MAN1C1: variants seen among roughly 807,000 people sequenced by gnomAD.
The protein encoded by MAN1C1 is mannosyl-oligosaccharide 1,2-alpha-mannosidase IC.
A neutral mutation model predicts 71.5 loss-of-function variants in MAN1C1; 49 were observed. The observed-to-expected ratio is 0.69, with a 90% confidence interval of 0.54 to 0.87. The LOEUF (loss-of-function observed/expected upper bound fraction) is 0.87, where lower values mean the gene tolerates loss of function less well. Ranked by LOEUF, MAN1C1 falls within the 40% of genes least tolerant of loss-of-function variation. The probability of loss-of-function intolerance (pLI) is 0.00; values close to 1 mark genes in which losing one functional copy is unlikely to be tolerated. For synonymous variants in MAN1C1, 352 were observed against 343.7 expected, an observed-to-expected ratio of 1.02 and a Z score of -0.27; for missense variants, 743 against 835.0, an observed-to-expected ratio of 0.89 and a Z score of 1.36.
At position 25,778,978 on chromosome 1, in the gene MAN1C1, A is replaced by G. The variant is rs2124414503; in HGVS notation, c.1477+654A>G. Among the ~76,000 whole-genome samples, 1 of 152,232 alleles carries G rather than the reference A, an allele frequency of 6.6e-6. No individual in the cohort carries two copies. The highest frequency in any genetic ancestry group is 1.9e-4 in the East Asian group (1 of 5,174). On this transcript the variant is annotated intron_variant, in intron 9 of 11. Coordinates refer to ENST00000374332, the MANE Select transcript of MAN1C1 (RefSeq NM_020379.4). This position sits in a 1 kb window ranked among gnomAD's most constrained non-coding sequence, Gnocchi z 5.5. ...CCAGAGAGGGGAAGTGACTTAGCCA[A>G]AGTCACACTGCACATGAGGAATTGA...
chr1:25,707,388 C>T (rs750609649), intron 2 of MAN1C1, among the ~76,000 whole-genome samples: 9 of 152,214 alleles, frequency 5.9e-5, no homozygotes, highest in Non-Finnish European at 8.8e-5. Flanking sequence ...GCAATCAATA[C>T]GTAATCTTTT....
chr1:25,763,789 C>A, intron 6 of MAN1C1, 85 bp from the exon 7 acceptor site: 1 of 1,085,460 alleles, frequency 9.2e-7, no homozygotes, highest in Non-Finnish European at 1.4e-6. Flanking sequence ...TGCATCTGAA[C>A]CAGCTGCCTC....
chr1:25,764,266 T>C lies in MAN1C1; in HGVS notation c.1141+299T>C, dbSNP rs1040965566. Among the ~76,000 whole-genome samples the C allele has an allele frequency of 2.6e-5, 4 of 152,152 alleles. No individual in the cohort carries two copies. The highest frequency in any genetic ancestry group is 7.2e-5 in the African/African-American group (3 of 41,426). On this transcript the variant is annotated intron_variant, in intron 7 of 11. Transcript: ENST00000374332. The surrounding 1 kb of genome is among the most constrained non-coding windows in gnomAD (Gnocchi z 4.4). ...CAATGGCGCAGCCTTCCATCTCTTATGCTGCTGCGGGAGCCTCCTGCATTA... is the reference window on the plus strand; with the variant it reads ...CAATGGCGCAGCCTTCCATCTCTTACGCTGCTGCGGGAGCCTCCTGCATTA...
intron 6 of MAN1C1, chr1:25,763,610 G>T: frequency 2.1e-6 from 1 of 468,062 alleles, no homozygotes; most frequent in Non-Finnish European, 3.9e-6. Flanking sequence ...TGGTTCTGGG[G>T]TTGAGACTGT....
chr1:25,616,806 G>C lies in MAN1C1; in HGVS notation c.-992G>C, dbSNP rs1042279206. Among the ~76,000 whole-genome samples, 1 of 147,294 alleles carries C rather than the reference G, an allele frequency of 6.8e-6. No homozygotes were observed. The highest frequency in any genetic ancestry group is 2.4e-5 in the African/African-American group (1 of 40,918). ...GCGCTGTCGCAGTGAAAGCCCGAGC[G>C]GCGGCGGCGGCGGGGACGGCGGTGG... On this transcript the variant is annotated 5_prime_UTR_variant, in exon 1 of 12. Coordinates refer to ENST00000374332, the MANE Select transcript of MAN1C1 (RefSeq NM_020379.4). The surrounding 1 kb of genome is among the most constrained non-coding windows in gnomAD (Gnocchi z 5.6).
intron 2 of MAN1C1, 108 bp downstream of exon 2, chr1:25,686,644 C>T: frequency 1.1e-6 from 1 of 874,362 alleles, no homozygotes; most frequent in South Asian, 1.5e-5. Flanking sequence ...GGGGGCTCCA[C>T]AGTTCTCCAG....
intron 1 of MAN1C1, among the ~76,000 whole-genome samples, chr1:25,656,631 T>TG (rs2045771867): frequency 6.6e-6 from 1 of 152,232 alleles, no homozygotes. Context: ...TTCTGCTGTA[T>TG]GTCAGGCTGT....
At chr1:25,742,316 G>A (rs1403754302) in intron 2 of MAN1C1, among the ~76,000 whole-genome samples, 1 of 152,160 alleles carries the variant, frequency 6.6e-6, no homozygotes, top group African/African-American at 2.4e-5. Context: ...GTGAATAAGA[G>A]GTAAAGGGAA....
Position 25,769,959 on chromosome 1 carries a change from G to A in MAN1C1, c.1142-1698G>A, listed in dbSNP as rs771688125. On this transcript the variant is annotated intron_variant, in intron 7 of 11. Transcript: ENST00000374332. The surrounding 1 kb of genome is among the most constrained non-coding windows in gnomAD (Gnocchi z 4.8). ...GGCTTGTGAGAATGCCTGAGCCCCC[G>A]CGTGGGGAATGAGGTGGGGAGGGTG... Among the ~76,000 whole-genome samples, 47 of 152,118 alleles carry A rather than the reference G, an allele frequency of 3.1e-4. No individual in the cohort carries two copies. Among genetic ancestry groups the A allele is most frequent in the Non-Finnish European group, 5.4e-4 (37 of 68,008 alleles).
At chr1:25,670,258 A>G (rs1273367146) in intron 1 of MAN1C1, among the ~76,000 whole-genome samples, 1 of 152,208 alleles carries the variant, frequency 6.6e-6, no homozygotes, top group Non-Finnish European at 1.5e-5. Flanking sequence ...TTCAAATAGT[A>G]TCACCTCCCT....
At chr1:25,677,462 G>A (rs557911864) in intron 1 of MAN1C1, among the ~76,000 whole-genome samples, 5 of 152,088 alleles carry the variant, frequency 3.3e-5, no homozygotes, top group African/African-American at 9.7e-5. Flanking sequence ...CCTGTTGCGC[G>A]TTTCTAGAAC....
intron 5 of MAN1C1, among the ~76,000 whole-genome samples, chr1:25,755,334 T>C (rs1305994436): frequency 6.6e-6 from 1 of 152,168 alleles, no homozygotes; most frequent in Non-Finnish European, 1.5e-5. Context: ...GCCAAGCTGG[T>C]CTTTTTCACT....
intron 2 of MAN1C1, among the ~76,000 whole-genome samples, chr1:25,743,990 G>A (rs1039024620): frequency 7.2e-5 from 11 of 152,342 alleles, no homozygotes; most frequent in African/African-American, 2.6e-4. Flanking sequence ...GGCTGGGCCA[G>A]TCCCCCCTTG....
At chr1:25,671,886 G>T (rs769961313) in intron 1 of MAN1C1, among the ~76,000 whole-genome samples, 13 of 152,186 alleles carry the variant, frequency 8.5e-5, no homozygotes, top group Non-Finnish European at 1.5e-4. Context: ...CATTAATTAG[G>T]ATTCTCCAGA....
At chr1:25,637,786 T>G (rs893977556) in intron 1 of MAN1C1, among the ~76,000 whole-genome samples, 1 of 152,108 alleles carries the variant, frequency 6.6e-6, no homozygotes, top group African/African-American at 2.4e-5. Flanking sequence ...TTTTTAACAT[T>G]ATACATGTAT....
At chr1:25,684,592 G>T (rs1327023556) in intron 1 of MAN1C1, among the ~76,000 whole-genome samples, 2 of 152,346 alleles carry the variant, frequency 1.3e-5, no homozygotes, top group East Asian at 1.9e-4. Flanking sequence ...GAGAGTCCAG[G>T]CCATGCACCT....
intron 2 of MAN1C1, among the ~76,000 whole-genome samples, chr1:25,726,163 C>G (rs1336152256): frequency 1.3e-5 from 2 of 152,188 alleles, no homozygotes; most frequent in African/African-American, 4.8e-5. Flanking sequence ...GCTTGGATCT[C>G]TGCCTAAGGC....
At chr1:25,646,245 C>T (rs2045611221) in intron 1 of MAN1C1, 1 of 152,284 alleles carries the variant, frequency 6.6e-6, no homozygotes, top group Admixed American at 6.5e-5. Context: ...GGCCATCTCA[C>T]CAACTACACC....
chr1:25,618,345 C>G lies in MAN1C1; in HGVS notation c.540+8C>G. On this transcript the variant is annotated splice_region_variant and intron_variant, in intron 1 of 11. Coordinates refer to ENST00000374332, the MANE Select transcript of MAN1C1 (RefSeq NM_020379.4). ...CGGGAGAAAATCAAGGAGGTATGGACTCAGCCCCCAAACTCCTCCCACCAA... is the reference window on the plus strand; with the variant it reads ...CGGGAGAAAATCAAGGAGGTATGGAGTCAGCCCCCAAACTCCTCCCACCAA... 1 of 1,592,304 alleles carries G rather than the reference C, an allele frequency of 6.3e-7. No homozygotes were observed. Among genetic ancestry groups the G allele is most frequent in the South Asian group, 1.1e-5 (1 of 87,120 alleles).
Sources: allele counts gnomAD v4.1 joint callset (sites outside exome capture counted in the v4.1 genomes callset), GRCh38; gene constraint gnomAD v4.1.1; non-coding constraint Gnocchi (gnomAD v3.1); transcripts MANE v1.5; gene names NCBI Gene and HGNC (gene_info 2026-07-23, HGNC 2026-07-21).